Variants in VPS13A observed in about 807,000 individuals in gnomAD.
VPS13A encodes vacuolar protein sorting 13 homolog A.
A neutral mutation model predicts 390.9 loss-of-function variants in VPS13A; 264 were observed. The observed-to-expected ratio is 0.68, with a 90% confidence interval of 0.61 to 0.75. The LOEUF is 0.75. VPS13A is among the 30% of genes least tolerant of loss of function. The pLI, the probability that VPS13A is intolerant of heterozygous loss-of-function variation, is 0.00. For missense variants in VPS13A, 3,409 were observed against 3,733.9 expected, an observed-to-expected ratio of 0.91 and a Z score of 2.27; for synonymous variants, 1,231 against 1,227.1, an observed-to-expected ratio of 1.00 and a Z score of -0.07.
chr9:77,256,753 A>G (rs536393829), intron 22 of VPS13A, among the ~76,000 whole-genome samples: 1 of 151,626 alleles, frequency 6.6e-6, no homozygotes, highest in African/African-American at 2.4e-5. Flanking sequence ...GTCCTTCTTT[A>G]TTGCTTGTAA....
In VPS13A at chr9:77,332,122, T is replaced by TCATTTTATTTA. The variant is rs1160143407; in HGVS notation, c.6095+10_6095+11insATTTTATTTAC. 6.3e-7 allele frequency: 1 copy of TCATTTTATTTA among 1,593,670 alleles called. No individual in the cohort carries two copies. On this transcript the variant is annotated intron_variant, in intron 46 of 71. Transcript: ENST00000360280. ...CCATTAGGATCTTACCGGTATTTTGTCTTTATCATTTTATTTACTCTAAAA... is the reference window on the plus strand; with the variant it reads ...CCATTAGGATCTTACCGGTATTTTGTCATTTTATTTACTTTATCATTTTATTTACTCTAAAA...
chr9:77,414,389 C>T (rs1304015226), intron 71 of VPS13A, among the ~76,000 whole-genome samples: 7 of 152,122 alleles, frequency 4.6e-5, no homozygotes, highest in African/African-American at 1.7e-4. Context: ...CACATATACA[C>T]CATGGAATAC....
chr9:77,274,567 A>G (rs1338596314), intron 24 of VPS13A, among the ~76,000 whole-genome samples: 2 of 152,046 alleles, frequency 1.3e-5, no homozygotes, highest in East Asian at 1.9e-4. Context: ...ATTTTGCTAT[A>G]GTATATTTAA....
chr9:77,242,022 G>A (rs991265623), intron 19 of VPS13A, among the ~76,000 whole-genome samples: 1 of 152,084 alleles, frequency 6.6e-6, no homozygotes, highest in East Asian at 1.9e-4. Flanking sequence ...TCTGTTTCCT[G>A]TGTTCTGAGA....
intron 69 of VPS13A, among the ~76,000 whole-genome samples, chr9:77,404,334 C>A (rs2131649891): frequency 6.6e-6 from 1 of 152,188 alleles, no homozygotes; most frequent in South Asian, 2.1e-4. Context: ...TTTAATTTTT[C>A]ACTTGAGATC....
At chr9:77,338,045 A>G (rs72746015) in intron 47 of VPS13A, 12,266 of 153,476 alleles carry the variant, frequency 0.08, 609 homozygotes, top group East Asian at 0.12. Context: ...ATGCGATCAT[A>G]GCTCACTGTA....
rs1040277568 is a variant in VPS13A at position 77,344,038 on chromosome 9, T to C, written c.7027-115T>C. On this transcript the variant is annotated intron_variant, in intron 50 of 71. Transcript: ENST00000360280. Reference sequence around the variant, plus strand: ...TTAAACAACCCAATAACTAGAGCAGTGTTAAAACAGGTTTTTTTATAGTTT... The same window carrying C: ...TTAAACAACCCAATAACTAGAGCAGCGTTAAAACAGGTTTTTTTATAGTTT... 8 of 976,532 alleles carry C rather than the reference T, an allele frequency of 8.2e-6. No individual in the cohort carries two copies. In the East Asian group the frequency reaches 1.6e-4, roughly 20 times the overall value. 60.5% of individuals were successfully genotyped at this position (976,532 alleles called of 1,614,324 possible). A position where few individuals can be genotyped will look rare whatever the true frequency, so the allele number is the denominator to read the frequency against.
Position 77,332,080 on chromosome 9 carries a change from A to C in VPS13A, c.6062A>C (p.Glu2021Ala). 6.2e-7 allele frequency: 1 copy of C among 1,612,008 alleles called. No individual in the cohort carries two copies. Among genetic ancestry groups the C allele is most frequent in the Admixed American group, 1.7e-5 (1 of 59,988 alleles). ...GDTLLGTASP[E>A]NEFNIPLGSY... Reference sequence around the variant, plus strand: ...ACCTTATTGGGAACTGCCTCACCTGAAAATGAATTCAACATACCATTAGGA... The same window carrying C: ...ACCTTATTGGGAACTGCCTCACCTGCAAATGAATTCAACATACCATTAGGA... The change falls in exon 46 of 72, where the codon GAA becomes GCA. Residue 2021 changes from glutamate to alanine, a missense_variant. Around this residue, in one of 5 missense-constraint regions of VPS13A, gnomAD observed 2,717 missense variants for 2,917.4 expected, o/e 0.93. Transcript: ENST00000360280.
intron 17 of VPS13A, among the ~76,000 whole-genome samples, chr9:77,228,608 A>G (rs1360717931): frequency 6.6e-6 from 1 of 152,156 alleles, no homozygotes; most frequent in Non-Finnish European, 1.5e-5. Context: ...CAATTCATTT[A>G]AAGTGTGTGG....
rs1199567737 is a variant in VPS13A, at chr9:77,318,496, A to AGAAC, written c.5219_5222dup (p.Val1742AsnfsTer29). The AGAAC allele has an allele frequency of 2.5e-6, 4 of 1,613,998 alleles. No homozygotes were observed. Among genetic ancestry groups the AGAAC allele is most frequent in the Non-Finnish European group, 3.4e-6 (4 of 1,179,932 alleles). On this transcript the variant is annotated frameshift_variant, in exon 41 of 72. Transcript: ENST00000360280. LOFTEE classifies it high-confidence loss of function. ...AGTTCTTGAGGCTGGAATTGGTCAT[A>AGAAC]GAACAGTACCTATGCTTCTGGCAAA...
chr9:77,221,839 C>G (rs72742587), intron 13 of VPS13A, among the ~76,000 whole-genome samples: 17 of 152,066 alleles, frequency 1.1e-4, no homozygotes, highest in Admixed American at 5.2e-4. Context: ...CTCAATTCTA[C>G]TCATCCCTGA....
intron 71 of VPS13A, among the ~76,000 whole-genome samples, chr9:77,411,523 C>T (rs1241327742): frequency 2.6e-5 from 4 of 151,626 alleles, no homozygotes; most frequent in East Asian, 1.9e-4. Flanking sequence ...ATTAGCCGGG[C>T]GAGGTGGCGG....
chr9:77,332,056 C>G lies in VPS13A; in HGVS notation c.6038C>G (p.Thr2013Ser). ...SVPLSVYEGD[T>S]LLGTASPENE... is the part of the protein sequence containing the mutation. Reference sequence around the variant, plus strand: ...CCACTGTCTGTTTACGAAGGGGATACCTTATTGGGAACTGCCTCACCTGAA... The same window carrying G: ...CCACTGTCTGTTTACGAAGGGGATAGCTTATTGGGAACTGCCTCACCTGAA... The change falls in exon 46 of 72, where the codon ACC becomes AGC. Residue 2013 changes from threonine (T) to serine (S), a missense_variant. Physicochemically the swap from Thr to Ser is moderately conservative, Grantham distance 58. Coordinates refer to ENST00000360280, the MANE Select transcript of VPS13A (RefSeq NM_033305.3). 2 of 1,612,118 alleles carry G rather than the reference C, an allele frequency of 1.2e-6. No individual in the cohort carries two copies. The highest frequency in any genetic ancestry group is 8.5e-7 in the Non-Finnish European group (1 of 1,178,684).
In VPS13A at chr9:77,319,768, GAGA is replaced by G. The variant is rs1829632125; in HGVS notation, c.5415+101_5415+103del. ...ACAGATTTAGGTTCACAGCAAAATTGAGAAGAAGGAACAGAGATTTCCCGTATA... is the reference window on the plus strand; with the variant it reads ...ACAGATTTAGGTTCACAGCAAAATTGAGAAGGAACAGAGATTTCCCGTATA... On this transcript the variant is annotated intron_variant, in intron 42 of 71. Transcript: ENST00000360280. 7.5e-6 allele frequency: 5 copies of G among 668,064 alleles called. No homozygotes were observed. The East Asian group carries it at 1.2e-4, about 16-fold the overall frequency. The allele number at this position is 668,064 out of a possible 1,614,324, so 41.4% of individuals were successfully genotyped here.
chr9:77,280,199 T>C lies in VPS13A; in HGVS notation c.2865T>C (p.Asp955=), dbSNP rs2131342560. Reference sequence around the variant, plus strand: ...CAGTTTATTTGGTTACAACCCTGGATAACACAATGGAAGACCTGTTAACGC... The same window carrying C: ...CAGTTTATTTGGTTACAACCCTGGACAACACAATGGAAGACCTGTTAACGC... The part of the protein sequence containing the change: ...KKPVYLVTTL[D]NTMEDLLTLE... The change falls in exon 27 of 72, where the codon GAT becomes GAC. Residue 955 remains aspartate, a synonymous_variant. Coordinates refer to ENST00000360280, the MANE Select transcript of VPS13A (RefSeq NM_033305.3). 2.5e-6 allele frequency: 4 copies of C among 1,612,922 alleles called. No homozygotes were observed. Among genetic ancestry groups the C allele is most frequent in the Non-Finnish European group, 2.5e-6 (3 of 1,179,432 alleles).
chr9:77,293,461 G>T lies in VPS13A; in HGVS notation c.3460G>T (p.Gly1154Cys). Residue 1154 changes from glycine (G) to cysteine (C), a missense_variant, in exon 32 of 72, where the codon GGT becomes TGT. Coordinates refer to ENST00000360280, the MANE Select transcript of VPS13A (RefSeq NM_033305.3). ...VVDIQVNLIVGCIEVVFVTKF... is the reference protein window; with the variant it reads ...VVDIQVNLIVCCIEVVFVTKF... ...TGACATTCAGGTTAATTTAATAGTT[G>T]GTTGCATTGAAGTAGTTTTTGTCAC... 1.3e-6 allele frequency: 2 copies of T among 1,599,472 alleles called. No homozygotes were observed. The highest frequency in any genetic ancestry group is 1.1e-5 in the South Asian group (1 of 87,020).
At chr9:77,306,754 A>G (rs1828774971) in intron 34 of VPS13A, among the ~76,000 whole-genome samples, 1 of 152,014 alleles carries the variant, frequency 6.6e-6, no homozygotes, top group Non-Finnish European at 1.5e-5. Context: ...TCTAAAAAAT[A>G]TTTTCACGGA....
chr9:77,383,716 T>C (rs753656746), intron 68 of VPS13A, among the ~76,000 whole-genome samples: 69 of 152,006 alleles, frequency 4.5e-4, no homozygotes, highest in Non-Finnish European at 3.4e-4. Flanking sequence ...AACATGACTT[T>C]TGACTGTGTA....
Position 77,345,029 on chromosome 9 carries a change from A to G in VPS13A, c.7176A>G (p.Glu2392=), listed in dbSNP as rs758415150. The G allele has an allele frequency of 3.1e-6, 5 of 1,612,672 alleles. No homozygotes were observed. Among genetic ancestry groups the G allele is most frequent in the Non-Finnish European group, 4.2e-6 (5 of 1,179,872 alleles). Residue 2392 remains glutamate, a synonymous_variant, in exon 52 of 72, where the codon GAA becomes GAG. Coordinates refer to ENST00000360280, the MANE Select transcript of VPS13A (RefSeq NM_033305.3). The stretch of plus-strand genomic sequence containing the variant: ...TCTAGCTTGGAGGTATTATAGCAGA[A>G]GTGAATTTGGCCGAGCATTCTACAG... ...LDNELGGIIA[E]VNLAEHSTVI...
Sources: allele counts gnomAD v4.1 joint callset (sites outside exome capture counted in the v4.1 genomes callset), GRCh38; gene constraint gnomAD v4.1.1; regional missense constraint gnomAD v4.1.1; transcripts MANE v1.5; gene names NCBI Gene and HGNC (gene_info 2026-07-23, HGNC 2026-07-21).